ADK: variants seen among roughly 807,000 people sequenced by gnomAD.
ADK encodes the protein adenosine kinase.
In ADK, 24 loss-of-function variants were observed where a neutral mutation model predicts 44.7. The ratio of observed to expected loss-of-function variants is 0.54; its 90% CI spans 0.39 to 0.76. The LOEUF (loss-of-function observed/expected upper bound fraction) is 0.76. Among genes scored for constraint, ADK ranks in the 30% least tolerant of loss-of-function variants. The probability of loss-of-function intolerance (pLI) is 0.00; values close to 1 mark genes in which losing one functional copy is unlikely to be tolerated. For missense variants in ADK, 321 were observed against 425.1 expected (o/e 0.76, Z 2.15); for synonymous variants, 128 against 142.6 (o/e 0.90, Z 0.73).
At chr10:74,383,896 C>A (rs984980003) in intron 4 of ADK, among the ~76,000 whole-genome samples, 2 of 152,154 alleles carry the variant, frequency 1.3e-5, no homozygotes, top group Non-Finnish European at 2.9e-5. Flanking sequence ...AAAGTCCTTC[C>A]TGCACCTGCT....
intron 3 of ADK, among the ~76,000 whole-genome samples, chr10:74,255,968 G>A (rs1845809494): frequency 6.6e-6 from 1 of 152,116 alleles, no homozygotes; most frequent in Non-Finnish European, 1.5e-5. Context: ...GGTAGTCAAC[G>A]AACAGTCACA....
chr10:74,415,286 A>G lies in ADK; in HGVS notation c.555+16707A>G, dbSNP rs983198786. Reference sequence around the variant, plus strand: ...ATTTTCACTTCTGTTTACTTTATGTATTTTAGACCAATCAGCAGTTGCTTG... The same window carrying G: ...ATTTTCACTTCTGTTTACTTTATGTGTTTTAGACCAATCAGCAGTTGCTTG... On this transcript the variant is annotated intron_variant, in intron 6 of 10. Coordinates refer to ENST00000539909, the MANE Select transcript of ADK (RefSeq NM_006721.4). Among the ~76,000 whole-genome samples, 77 of 152,250 alleles carry G rather than the reference A, an allele frequency of 5.1e-4. 1 individual carries two copies. Among genetic ancestry groups the G allele is most frequent in the Non-Finnish European group, 2.9e-5 (2 of 68,032 alleles).
intron 6 of ADK, among the ~76,000 whole-genome samples, chr10:74,439,569 C>T (rs1164728554): frequency 6.6e-6 from 1 of 152,024 alleles, no homozygotes; most frequent in African/African-American, 2.4e-5. Flanking sequence ...ATCAGCCTAC[C>T]CAGTGGAAGA....
intron 3 of ADK, among the ~76,000 whole-genome samples, chr10:74,291,171 C>G (rs1227678555): frequency 4.6e-5 from 7 of 152,126 alleles, no homozygotes. Flanking sequence ...TAATCCAGCA[C>G]TTTGGGAGGC....
At chr10:74,484,798 G>GT (rs1306260734) in intron 6 of ADK, among the ~76,000 whole-genome samples, 4 of 152,182 alleles carry the variant, frequency 2.6e-5, no homozygotes, top group Admixed American at 6.5e-5. Flanking sequence ...TAAGGAAATG[G>GT]TTGATTATTC....
intron 3 of ADK, among the ~76,000 whole-genome samples, chr10:74,266,070 TA>T (rs1343339517): frequency 1.3e-5 from 2 of 152,092 alleles, no homozygotes; most frequent in African/African-American, 2.4e-5. Context: ...TATGTATATA[TA>T]AATGAGACAT....
In ADK at chr10:74,195,681, T is replaced by C. The variant is rs1463971003; in HGVS notation, c.66-5083T>C. On this transcript the variant is annotated intron_variant, in intron 1 of 10. Transcript: ENST00000539909. Reference sequence around the variant, plus strand: ...TTATATTTTTCTTTTTCTTTCTTTCTTTCTTTCTTTCTTTTTCTTTTCTTT... The same window carrying C: ...TTATATTTTTCTTTTTCTTTCTTTCCTTCTTTCTTTCTTTTTCTTTTCTTT... 2.0e-5 allele frequency among the ~76,000 whole-genome samples: 3 copies of C among 146,902 alleles called. No individual in the cohort carries two copies. The Admixed American group carries it at 2.1e-4, about 10-fold the overall frequency.
chr10:74,160,138 A>G (rs1423826978), intron 1 of ADK, among the ~76,000 whole-genome samples: 4 of 152,208 alleles, frequency 2.6e-5, no homozygotes, highest in African/African-American at 9.7e-5. Flanking sequence ...GGTGGGGCTC[A>G]GACACTGGAC....
At chr10:74,253,766 C>CT (rs369449016) in intron 3 of ADK, among the ~76,000 whole-genome samples, 79,878 of 125,040 alleles carry the variant, frequency 0.64, 27,293 homozygotes, top group Non-Finnish European at 0.77. Flanking sequence ...TCTACACTGC[C>CT]TTTTTTTTTT....
chr10:74,392,639 G>GAT (rs1046500230), intron 4 of ADK, among the ~76,000 whole-genome samples: 7 of 152,020 alleles, frequency 4.6e-5, no homozygotes, highest in Non-Finnish European at 8.8e-5. Flanking sequence ...AGTTAAGCTT[G>GAT]ATATAATCAC....
At chr10:74,211,927 T>A (rs1046423002) in intron 2 of ADK, among the ~76,000 whole-genome samples, 5 of 152,184 alleles carry the variant, frequency 3.3e-5, no homozygotes, top group Non-Finnish European at 5.9e-5. Flanking sequence ...ATATTCTAGA[T>A]TATTGGTGGT....
chr10:74,366,518 T>A (rs1401678566), intron 4 of ADK, among the ~76,000 whole-genome samples: 1 of 152,196 alleles, frequency 6.6e-6, no homozygotes, highest in Non-Finnish European at 1.5e-5. Flanking sequence ...ATAAAATTGT[T>A]TTTAGCAGTC....
chr10:74,488,254 A>G (rs976280390), intron 6 of ADK, among the ~76,000 whole-genome samples: 2 of 151,862 alleles, frequency 1.3e-5, no homozygotes, highest in African/African-American at 4.8e-5. Context: ...TATATATTAG[A>G]TAATACTACA....
chr10:74,352,741 T>C (rs993760238), intron 4 of ADK, among the ~76,000 whole-genome samples: 6 of 152,172 alleles, frequency 3.9e-5, no homozygotes, highest in Admixed American at 3.3e-4. Flanking sequence ...ATAACAACCC[T>C]ATCAAAAATT....
At chr10:74,694,969 A>C (rs1474085325) in intron 10 of ADK, among the ~76,000 whole-genome samples, 1 of 151,442 alleles carries the variant, frequency 6.6e-6, no homozygotes. Context: ...TTTTTAATAT[A>C]GAGTGAGGTA....
intron 6 of ADK, among the ~76,000 whole-genome samples, chr10:74,499,693 A>C (rs1177730951): frequency 6.6e-6 from 1 of 152,184 alleles, no homozygotes; most frequent in Admixed American, 6.5e-5. Flanking sequence ...ATCTCAAAAA[A>C]AAAAAAGTGA....
At chr10:74,574,267 T>C (rs111536698) in intron 7 of ADK, among the ~76,000 whole-genome samples, 2 of 151,260 alleles carry the variant, frequency 1.3e-5, no homozygotes, top group South Asian at 2.1e-4. Context: ...ACCTCCGACA[T>C]TGAAGCGATT....
chr10:74,235,466 G>A (rs1844924824), intron 3 of ADK, among the ~76,000 whole-genome samples: 1 of 152,018 alleles, frequency 6.6e-6, no homozygotes, highest in Non-Finnish European at 1.5e-5. Context: ...ACCACGCCTG[G>A]CTCCTTTTTG....
At chr10:74,261,234 C>T (rs1303756423) in intron 3 of ADK, among the ~76,000 whole-genome samples, 1 of 152,118 alleles carries the variant, frequency 6.6e-6, no homozygotes, top group Non-Finnish European at 1.5e-5. Flanking sequence ...CTTGTTTATT[C>T]ATTTGCTTGG....
Sources: allele counts gnomAD v4.1 joint callset (sites outside exome capture counted in the v4.1 genomes callset), GRCh38; gene constraint gnomAD v4.1.1; transcripts MANE v1.5; gene names NCBI Gene and HGNC (gene_info 2026-07-23, HGNC 2026-07-21).